The following MBOAT2 variants were observed in gnomAD, a reference collection of about 807,000 sequenced individuals.
MBOAT2 encodes the protein membrane-bound glycerophospholipid O-acyltransferase 2.
A neutral mutation model predicts 63.4 loss-of-function variants in MBOAT2; 28 were observed. The ratio of observed to expected loss-of-function variants is 0.44; its 90% CI spans 0.33 to 0.61. The LOEUF (loss-of-function observed/expected upper bound fraction) is 0.61, where lower values mean the gene tolerates loss of function less well. MBOAT2 is among the 20% of genes least tolerant of loss of function. The pLI is 0.03. For missense variants in MBOAT2, 470 were observed against 605.8 expected (o/e 0.78, Z 2.35); for synonymous variants, 211 against 215.6 (o/e 0.98, Z 0.19).
chr2:8,907,546 T>C (rs1476310197), intron 4 of MBOAT2, among the ~76,000 whole-genome samples: 1 of 152,220 alleles, frequency 6.6e-6, no homozygotes. Flanking sequence ...GCTCATGAGG[T>C]AATGTTTTCC....
At chr2:9,002,881 G>C (rs1183382669) in intron 1 of MBOAT2, among the ~76,000 whole-genome samples, 3 of 152,200 alleles carry the variant, frequency 2.0e-5, no homozygotes, top group African/African-American at 7.2e-5. Context: ...CACTTTGTCA[G>C]CAAGAATCCT....
intron 1 of MBOAT2, among the ~76,000 whole-genome samples, chr2:8,978,508 A>T (rs2103329677): frequency 6.6e-6 from 1 of 152,274 alleles, no homozygotes; most frequent in Admixed American, 6.5e-5. Flanking sequence ...CATCAGAAGC[A>T]TTAGCCCAAA....
At chr2:8,994,141 G>A (rs917917773) in intron 1 of MBOAT2, among the ~76,000 whole-genome samples, 25 of 152,160 alleles carry the variant, frequency 1.6e-4, no homozygotes, top group African/African-American at 4.1e-4. Flanking sequence ...AACATGCTCC[G>A]TGCCAAGAAT....
chr2:8,940,068 G>T (rs532896153), intron 3 of MBOAT2, among the ~76,000 whole-genome samples: 2 of 150,624 alleles, frequency 1.3e-5, no homozygotes, highest in East Asian at 3.9e-4. Flanking sequence ...TAACAACTCA[G>T]TCTCTGCTTG....
At chr2:8,927,282 T>G (rs1395661310) in intron 3 of MBOAT2, among the ~76,000 whole-genome samples, 1 of 152,196 alleles carries the variant, frequency 6.6e-6, no homozygotes, top group Non-Finnish European at 1.5e-5. Context: ...CACTTTACCC[T>G]ATATCATTAA....
At chr2:8,966,651 T>C (rs1368743288) in intron 1 of MBOAT2, among the ~76,000 whole-genome samples, 2 of 152,178 alleles carry the variant, frequency 1.3e-5, no homozygotes, top group African/African-American at 2.4e-5. Context: ...TTTACATCTT[T>C]ATGAGATAAA....
chr2:8,950,136 C>T (rs578006369), intron 2 of MBOAT2, among the ~76,000 whole-genome samples: 7 of 152,164 alleles, frequency 4.6e-5, no homozygotes, highest in East Asian at 1.9e-4. Context: ...TATTACTATA[C>T]AGAAATGCTG....
rs188941006 is a variant in MBOAT2, at chr2:8,940,138, C to T, written c.299+3049G>A. 1.6e-3 allele frequency among the ~76,000 whole-genome samples: 241 copies of T among 152,056 alleles called. 1 individual carries two copies. The highest frequency in any genetic ancestry group is 3.4e-3 in the Middle Eastern group (1 of 294). On this transcript the variant is annotated intron_variant, in intron 3 of 12. Transcript: ENST00000305997. ...GCAGTAAAACTGCCAATGGGGCACACAATCAGCCCCCTCTTCCCTTCTACG... is the reference window on the plus strand; with the variant it reads ...GCAGTAAAACTGCCAATGGGGCACATAATCAGCCCCCTCTTCCCTTCTACG...
intron 4 of MBOAT2, among the ~76,000 whole-genome samples, chr2:8,891,087 T>C (rs1663957937): frequency 6.6e-6 from 1 of 152,282 alleles, no homozygotes; most frequent in Non-Finnish European, 1.5e-5. Flanking sequence ...GACTGGTTTA[T>C]AGAAATGCTT....
At chr2:8,928,573 T>C (rs1667092143) in intron 3 of MBOAT2, among the ~76,000 whole-genome samples, 1 of 152,178 alleles carries the variant, frequency 6.6e-6, no homozygotes, top group African/African-American at 2.4e-5. Context: ...TAGCCATTGA[T>C]ATATACCATA....
rs192233697 is a variant in MBOAT2 at position 8,917,858 on chromosome 2, T to C, written c.300-9142A>G. Among the ~76,000 whole-genome samples the C allele has an allele frequency of 2.6e-5, 4 of 152,320 alleles. No homozygotes were observed. In the East Asian group the frequency reaches 7.7e-4, roughly 29 times the overall value. On this transcript the variant is annotated intron_variant, in intron 3 of 12. Transcript: ENST00000305997. ...AAATGTCCATTAATAGGTGAAAGGA[T>C]ACATAAATTGAGATATATTAATACA...
chr2:8,875,155 T>A (rs1035486404), intron 7 of MBOAT2, among the ~76,000 whole-genome samples: 1 of 152,204 alleles, frequency 6.6e-6, no homozygotes, highest in Non-Finnish European at 1.5e-5. Flanking sequence ...AGCATCCTCC[T>A]TAGGATCCTG....
intron 3 of MBOAT2, among the ~76,000 whole-genome samples, chr2:8,932,878 C>T (rs761291739): frequency 2.6e-5 from 4 of 152,170 alleles, no homozygotes; most frequent in African/African-American, 4.8e-5. Flanking sequence ...GACTACAGAA[C>T]GTGCACATGT....
intron 4 of MBOAT2, among the ~76,000 whole-genome samples, chr2:8,893,084 G>GGGGGAGGGGGTGGGGGAGGAGGCAT (rs1664135251): frequency 7.1e-6 from 1 of 140,104 alleles, no homozygotes; most frequent in Non-Finnish European, 1.6e-5. Context: ...GGAGGAGGCA[G>GGGGGAGGGGGTGGGGGAGGAGGCAT]GGGGAGGGGG....
intron 6 of MBOAT2, among the ~76,000 whole-genome samples, chr2:8,879,694 C>T (rs1444561463): frequency 6.6e-6 from 1 of 152,106 alleles, no homozygotes; most frequent in Non-Finnish European, 1.5e-5. Context: ...CCCGCCTCAG[C>T]AGTAACAACC....
At position 8,858,762 on chromosome 2, in the gene MBOAT2, C is replaced by T. The variant is rs746452770; in HGVS notation, c.1480G>A (p.Gly494Arg). Residue 494 changes from glycine (G) to arginine (R), a missense_variant, in exon 13 of 13, where the codon GGA becomes AGA. Gly to Arg is a moderately radical substitution (Grantham distance 125). Transcript: ENST00000305997. ...KKFDEGENSL[G>R]QNSFSTTNNV... The stretch of plus-strand genomic sequence containing the variant: ...TTTGTTGTAGAAAAACTGTTCTGTC[C>T]CAAAGAATTTTCTCCTTCATCAAAC... 6.2e-7 allele frequency: 1 copy of T among 1,613,990 alleles called. No homozygotes were observed.
At chr2:8,896,612 T>C (rs1426831996) in intron 4 of MBOAT2, among the ~76,000 whole-genome samples, 1 of 152,248 alleles carries the variant, frequency 6.6e-6, no homozygotes, top group Admixed American at 6.5e-5. Context: ...AATTTTTCTT[T>C]GCTATTAATA....
chr2:8,890,291 AAC>A (rs148077830), intron 4 of MBOAT2, among the ~76,000 whole-genome samples: 4 of 151,994 alleles, frequency 2.6e-5, no homozygotes, highest in Admixed American at 6.5e-5. Flanking sequence ...TGCCCACAAA[AAC>A]ACACACACAC....
At chr2:8,915,676 A>G (rs1377434578) in intron 3 of MBOAT2, among the ~76,000 whole-genome samples, 1 of 152,238 alleles carries the variant, frequency 6.6e-6, no homozygotes, top group Non-Finnish European at 1.5e-5. Context: ...TCAGCAGAGA[A>G]AGCAGACATA....
Sources: allele counts gnomAD v4.1 joint callset (sites outside exome capture counted in the v4.1 genomes callset), GRCh38; gene constraint gnomAD v4.1.1; transcripts MANE v1.5; gene names NCBI Gene and HGNC (gene_info 2026-07-23, HGNC 2026-07-21).